The following STAT4 variants were observed in gnomAD, a reference collection of about 807,000 sequenced individuals.
STAT4 encodes signal transducer and activator of transcription 4.
STAT4 carries 42 observed loss-of-function variants against 110.5 expected under a neutral mutation model. That is an observed-to-expected ratio of 0.38 (90% confidence interval 0.30 to 0.49). The LOEUF is 0.49. STAT4 is among the 20% of genes least tolerant of loss of function. STAT4 has a pLI of 0.95. For synonymous variants in STAT4, 284 were observed against 302.2 expected (o/e 0.94, Z 0.63); for missense variants, 632 against 887.9 (o/e 0.71, Z 3.66).
chr2:191,082,007 C>T lies in STAT4; in HGVS notation c.274-5682G>A, dbSNP rs1470571307. On this transcript the variant is annotated intron_variant, in intron 3 of 23. Coordinates refer to ENST00000392320, the MANE Select transcript of STAT4 (RefSeq NM_003151.4). The surrounding 1 kb of genome is among the most constrained non-coding windows in gnomAD (Gnocchi z 4.7). ...GATGTTGTACATCTTAATGATAATACTGTGCAATGCATGAATCATTCACTC... is the reference window on the plus strand; with the variant it reads ...GATGTTGTACATCTTAATGATAATATTGTGCAATGCATGAATCATTCACTC... Among the ~76,000 whole-genome samples the T allele has an allele frequency of 6.6e-6, 1 of 152,164 alleles. No homozygotes were observed. Among genetic ancestry groups the T allele is most frequent in the African/African-American group, 2.4e-5 (1 of 41,440 alleles).
Position 191,061,646 on chromosome 2 carries a change from C to T in STAT4, c.1034+83G>A. The T allele has an allele frequency of 2.3e-6, 3 of 1,276,660 alleles. No individual in the cohort carries two copies. Among genetic ancestry groups the T allele is most frequent in the Middle Eastern group, 3.7e-4 (2 of 5,374 alleles). The allele number at this position is 1,276,660 out of a possible 1,614,324, so 79.1% of individuals were successfully genotyped here. A position where few individuals can be genotyped will look rare whatever the true frequency, so the allele number is the denominator to read the frequency against. Reference sequence around the variant, plus strand: ...TCAATAAAGAACAGCTGAATGCAAGCCACAATGAGAGAAATTGGCCTTGAT... The same window carrying T: ...TCAATAAAGAACAGCTGAATGCAAGTCACAATGAGAGAAATTGGCCTTGAT... On this transcript the variant is annotated intron_variant, in intron 10 of 23. Transcript: ENST00000392320. This position sits in a 1 kb window ranked among gnomAD's most constrained non-coding sequence, Gnocchi z 6.2.
intron 3 of STAT4, among the ~76,000 whole-genome samples, chr2:191,125,217 T>C (rs1459014377): frequency 6.6e-6 from 1 of 152,180 alleles, no homozygotes; most frequent in Non-Finnish European, 1.5e-5. Flanking sequence ...TCCCGTATCT[T>C]TCTACTGAGG....
intron 3 of STAT4, among the ~76,000 whole-genome samples, chr2:191,084,479 T>C (rs1697580156): frequency 6.6e-6 from 1 of 152,098 alleles, no homozygotes; most frequent in African/African-American, 2.4e-5. Flanking sequence ...ATACATGTAA[T>C]TAAAACTACT....
At chr2:191,049,378 G>A (rs1459918116) in intron 14 of STAT4, among the ~76,000 whole-genome samples, 2 of 151,914 alleles carry the variant, frequency 1.3e-5, no homozygotes, top group Non-Finnish European at 2.9e-5. Context: ...GGGTTTCACT[G>A]TGTTAGCCAG....
chr2:191,060,208 A>T lies in STAT4; in HGVS notation c.1035-1439T>A, dbSNP rs115965964. On this transcript the variant is annotated intron_variant, in intron 10 of 23. Coordinates refer to ENST00000392320, the MANE Select transcript of STAT4 (RefSeq NM_003151.4). This position sits in a 1 kb window ranked among gnomAD's most constrained non-coding sequence, Gnocchi z 4.5. ...GATTCAGAGTGCCTCTTCCACTTAG[A>T]ATTTTTTTGCTAGGCAATCCCTACT... Among the ~76,000 whole-genome samples the T allele has an allele frequency of 5.6e-3, 845 of 152,168 alleles. 9 individuals carry two copies. Among genetic ancestry groups the T allele is most frequent in the African/African-American group, 0.019 (802 of 41,512 alleles).
chr2:191,084,090 C>T (rs1004714203), intron 3 of STAT4, among the ~76,000 whole-genome samples: 3 of 151,840 alleles, frequency 2.0e-5, no homozygotes, highest in East Asian at 3.9e-4. Flanking sequence ...GGTGAAACCC[C>T]GTCTGTACTA....
intron 14 of STAT4, among the ~76,000 whole-genome samples, chr2:191,052,158 G>A (rs1480116418): frequency 6.6e-6 from 1 of 152,028 alleles, no homozygotes; most frequent in Non-Finnish European, 1.5e-5. Flanking sequence ...TTTATTGCCC[G>A]TTCTTTCCTC....
At position 191,058,339 on chromosome 2, in the gene STAT4, C is replaced by G; in HGVS notation, c.1095-120G>C. On this transcript the variant is annotated intron_variant, in intron 11 of 23. Coordinates refer to ENST00000392320, the MANE Select transcript of STAT4 (RefSeq NM_003151.4). The surrounding 1 kb of genome is among the most constrained non-coding windows in gnomAD (Gnocchi z 4.3). ...TTGAGACAGAGTCTCGCTCTGTCGT[C>G]CAGGCTGGAGTGCAGTGGTGCAATC... The G allele has an allele frequency of 9.6e-7, 1 of 1,039,116 alleles. No homozygotes were observed. Among genetic ancestry groups the G allele is most frequent in the Non-Finnish European group, 1.4e-6 (1 of 724,280 alleles). 64.4% of individuals were successfully genotyped at this position (1,039,116 alleles called of 1,614,324 possible). A position where few individuals can be genotyped will look rare whatever the true frequency, so the allele number is the denominator to read the frequency against.
chr2:191,030,225 T>C lies in STAT4; in HGVS notation c.2221-359A>G, dbSNP rs945960262. 7.2e-5 allele frequency among the ~76,000 whole-genome samples: 11 copies of C among 152,222 alleles called. No individual in the cohort carries two copies. The highest frequency in any genetic ancestry group is 2.2e-4 in the African/African-American group (9 of 41,456). Reference sequence around the variant, plus strand: ...CAAAGTAAAGTGAATTTTTCATCTATGGAAATCTTCAAGAGAAGGACTAAA... The same window carrying C: ...CAAAGTAAAGTGAATTTTTCATCTACGGAAATCTTCAAGAGAAGGACTAAA... On this transcript the variant is annotated intron_variant, in intron 23 of 23. Transcript: ENST00000392320. This position sits in a 1 kb window ranked among gnomAD's most constrained non-coding sequence, Gnocchi z 4.4.
chr2:191,085,586 G>A (rs1697614837), intron 3 of STAT4, among the ~76,000 whole-genome samples: 1 of 152,122 alleles, frequency 6.6e-6, no homozygotes, highest in Non-Finnish European at 1.5e-5. Flanking sequence ...TGGCAATTGT[G>A]TCTTTAACTG....
intron 3 of STAT4, among the ~76,000 whole-genome samples, chr2:191,127,397 T>G (rs1698910339): frequency 6.6e-6 from 1 of 152,244 alleles, no homozygotes; most frequent in Admixed American, 6.5e-5. Context: ...CTACTCCTCT[T>G]CAGAGAGTCC....
Position 191,113,193 on chromosome 2 carries a change from T to C in STAT4, c.273+33420A>G, listed in dbSNP as rs912993722. Among the ~76,000 whole-genome samples the C allele has an allele frequency of 2.6e-5, 4 of 152,242 alleles. No homozygotes were observed. The highest frequency in any genetic ancestry group is 9.6e-5 in the African/African-American group (4 of 41,476). On this transcript the variant is annotated intron_variant, in intron 3 of 23. Coordinates refer to ENST00000392320, the MANE Select transcript of STAT4 (RefSeq NM_003151.4). The surrounding 1 kb of genome is among the most constrained non-coding windows in gnomAD (Gnocchi z 4.8). ...CAATTACAGCCAGTGCTGGCAGACA[T>C]TACTGGTGCCACTCATTCATTTGTT...
intron 3 of STAT4, among the ~76,000 whole-genome samples, chr2:191,101,313 C>T (rs1698144888): frequency 6.6e-6 from 1 of 152,074 alleles, no homozygotes; most frequent in Non-Finnish European, 1.5e-5. Flanking sequence ...TTTATAAACA[C>T]TTATGTACAC....
chr2:191,029,708 G>A lies in STAT4; in HGVS notation c.*132C>T. On this transcript the variant is annotated 3_prime_UTR_variant, in exon 24 of 24. Coordinates refer to ENST00000392320, the MANE Select transcript of STAT4 (RefSeq NM_003151.4). This position sits in a 1 kb window ranked among gnomAD's most constrained non-coding sequence, Gnocchi z 4.5. ...GGAGTGCCACGGGAGTGTGAAGAGAGCTTCAGATGTCAAACATTTCCTAGA... is the reference window on the plus strand; with the variant it reads ...GGAGTGCCACGGGAGTGTGAAGAGAACTTCAGATGTCAAACATTTCCTAGA... 1.2e-6 allele frequency: 1 copy of A among 820,484 alleles called. No homozygotes were observed. The highest frequency in any genetic ancestry group is 2.6e-5 in the East Asian group (1 of 38,976). The allele number at this position is 820,484 out of a possible 1,614,324, so 50.8% of individuals were successfully genotyped here. A position where few individuals can be genotyped will look rare whatever the true frequency, so the allele number is the denominator to read the frequency against.
chr2:191,064,044 A>G (rs1696918321), intron 8 of STAT4, among the ~76,000 whole-genome samples: 2 of 152,224 alleles, frequency 1.3e-5, no homozygotes, highest in Admixed American at 1.3e-4. Flanking sequence ...CCCTATGAAC[A>G]TTTTAATCTT....
At chr2:191,040,158 ATTCACGG>A (rs1696149788) in intron 15 of STAT4, among the ~76,000 whole-genome samples, 1 of 152,224 alleles carries the variant, frequency 6.6e-6, no homozygotes, top group Non-Finnish European at 1.5e-5. Context: ...GCACTGATTC[ATTCACGG>A]TGTCCTGCCT....
In STAT4 at chr2:191,030,752, C is replaced by A; in HGVS notation, c.2220+220G>T. 2 of 456,174 alleles carry A rather than the reference C, an allele frequency of 4.4e-6. No individual in the cohort carries two copies. Among genetic ancestry groups the A allele is most frequent in the Non-Finnish European group, 8.0e-6 (2 of 248,624 alleles). The allele number at this position is 456,174 out of a possible 1,614,324, so 28.3% of individuals were successfully genotyped here. On this transcript the variant is annotated intron_variant, in intron 23 of 23. Transcript: ENST00000392320. This position sits in a 1 kb window ranked among gnomAD's most constrained non-coding sequence, Gnocchi z 4.4. ...CTCTGGTGGTTTCTGGTGGAAACAA[C>A]GTAAAGCAGTTTAAGTAACTGAAGG...
At chr2:191,075,841 T>TC (rs1697300978) in intron 4 of STAT4, among the ~76,000 whole-genome samples, 1 of 143,910 alleles carries the variant, frequency 6.9e-6, no homozygotes, top group Non-Finnish European at 1.5e-5. Context: ...TTCTTTCTTT[T>TC]TTTTTTTTTT....
At chr2:191,069,375 TAGG>T (rs912098209) in intron 6 of STAT4, among the ~76,000 whole-genome samples, 2 of 152,128 alleles carry the variant, frequency 1.3e-5, no homozygotes, top group African/African-American at 4.8e-5. Flanking sequence ...TTTGATTCTA[TAGG>T]AGAAGGTTTT....
Sources: allele counts gnomAD v4.1 joint callset (sites outside exome capture counted in the v4.1 genomes callset), GRCh38; gene constraint gnomAD v4.1.1; non-coding constraint Gnocchi (gnomAD v3.1); transcripts MANE v1.5; gene names NCBI Gene and HGNC (gene_info 2026-07-23, HGNC 2026-07-21).